The following NBPF12 variants were observed in gnomAD, a reference collection of about 807,000 sequenced individuals.
NBPF12 encodes the protein NBPF member 12, also known as NBPF family member NBPF12.
NBPF12 carries 115 observed loss-of-function variants against 146.4 expected under a neutral mutation model. That is an observed-to-expected ratio of 0.79 (90% CI 0.68 to 0.92). The LOEUF (loss-of-function observed/expected upper bound fraction) is 0.92. Among genes scored for constraint, NBPF12 ranks in the 40% least tolerant of loss-of-function variants. NBPF12 has a pLI of 0.00. For missense variants in NBPF12, 1,205 were observed against 1,326.8 expected (o/e 0.91, Z 1.43); for synonymous variants, 385 against 508.9 (o/e 0.76, Z 3.28).
At chr1:146,976,649 C>G (rs1440501368) in intron 16 of NBPF12, among the ~76,000 whole-genome samples, 5 of 151,358 alleles carry the variant, frequency 3.3e-5, no homozygotes, top group African/African-American at 1.2e-4. Context: ...AGACAGCTGC[C>G]AAAGTCCAGA....
At chr1:146,965,659 G>C (rs1553885530) in intron 8 of NBPF12, among the ~76,000 whole-genome samples, 2 of 149,584 alleles carry the variant, frequency 1.3e-5, no homozygotes, top group Non-Finnish European at 3.0e-5. Context: ...GGGCGCGGTG[G>C]TGGGCACCTG....
chr1:146,942,948 G>C (rs1249592091), intron 1 of NBPF12, among the ~76,000 whole-genome samples: 1 of 141,026 alleles, frequency 7.1e-6, no homozygotes, highest in African/African-American at 2.7e-5. Flanking sequence ...TTCCCCCCAG[G>C]CTGGAGTGCA....
intron 4 of NBPF12, among the ~76,000 whole-genome samples, chr1:146,960,618 CCT>C (rs1186536893): frequency 6.6e-6 from 1 of 151,932 alleles, no homozygotes; most frequent in Non-Finnish European, 1.5e-5. Context: ...TTTCAAGAAT[CCT>C]CTCTGTACCA....
chr1:146,953,436 G>T (rs1341685308), intron 2 of NBPF12, among the ~76,000 whole-genome samples: 1 of 133,218 alleles, frequency 7.5e-6, no homozygotes, highest in African/African-American at 2.9e-5. Flanking sequence ...CTTCAATGCT[G>T]CCACAAGTGT....
chr1:146,965,093 A>G, exon 8 of NBPF12: 3 of 1,590,088 alleles, frequency 1.9e-6, no homozygotes, highest in Admixed American at 3.3e-5. Flanking sequence ...GATGCTCTAA[A>G]CATTCTCCCA....
At chr1:146,949,115 G>C (rs1420400191), upstream of NBPF12, among the ~76,000 whole-genome samples, 1 of 152,180 alleles carries the variant, frequency 6.6e-6, no homozygotes. Flanking sequence ...TAAATACTAA[G>C]GGAACTCAGA....
chr1:146,941,685 C>T (rs1282061360), intron 1 of NBPF12, among the ~76,000 whole-genome samples: 1 of 137,740 alleles, frequency 7.3e-6, no homozygotes, highest in African/African-American at 2.7e-5. Flanking sequence ...ACCCAGGAGG[C>T]GGAGGTTGCA....
intron 8 of NBPF12, 66 bp downstream of exon 11, chr1:146,965,170 G>T (rs1227024890): frequency 1.1e-6 from 1 of 910,934 alleles, no homozygotes; most frequent in Non-Finnish European, 1.8e-6. Context: ...TCTGAGGACA[G>T]GCTGTATATA....
chr1:146,994,812 A>T, exon 34 of NBPF12: 1 of 791,862 alleles, frequency 1.3e-6, no homozygotes, highest in Non-Finnish European at 1.9e-6. Context: ...GGGAGTGATC[A>T]GCCGGACATT....
At chr1:146,963,066 G>C (rs1212786026) in intron 5 of NBPF12, 29 bp from the exon 9 acceptor site, 560 of 1,607,706 alleles carry the variant, frequency 3.5e-4, no homozygotes, top group African/African-American at 8.5e-4. Flanking sequence ...GCTTTTCACT[G>C]TTAAATTTTC....
At chr1:146,960,578 A>T (rs1219641259) in intron 4 of NBPF12, among the ~76,000 whole-genome samples, 1 of 152,002 alleles carries the variant, frequency 6.6e-6, no homozygotes, top group Non-Finnish European at 1.5e-5. Flanking sequence ...GCACAGAATG[A>T]CCTGTTTTCT....
At chr1:146,972,818 G>A in exon 14 of NBPF12, 1 of 1,373,190 alleles carries the variant, frequency 7.3e-7, no homozygotes, top group Non-Finnish European at 1.0e-6. Context: ...TGTCCAGCGA[G>A]AAGGCAGAGA....
At chr1:146,967,365 G>A (rs1656273875) in intron 9 of NBPF12, among the ~76,000 whole-genome samples, 1 of 151,032 alleles carries the variant, frequency 6.6e-6, no homozygotes, top group South Asian at 2.1e-4. Flanking sequence ...GATGGGCGTG[G>A]TGGCAGGTGA....
intron 19 of NBPF12, among the ~76,000 whole-genome samples, chr1:146,981,606 G>T (rs1216337179): frequency 4.0e-5 from 6 of 151,756 alleles, no homozygotes; most frequent in Non-Finnish European, 5.9e-5. Context: ...GGCCTTCCTT[G>T]TTAGGTTGGG....
upstream of NBPF12, among the ~76,000 whole-genome samples, chr1:146,948,943 G>A (rs1214352559): frequency 6.6e-6 from 1 of 151,496 alleles, no homozygotes; most frequent in African/African-American, 2.4e-5. Flanking sequence ...TTAAGGCATT[G>A]AGATGTTTAT....
chr1:146,956,078 C>T (rs1655573944), intron 2 of NBPF12, among the ~76,000 whole-genome samples: 1 of 151,724 alleles, frequency 6.6e-6, no homozygotes, highest in South Asian at 2.1e-4. Context: ...TGGCCTGCTA[C>T]GTATGGATGC....
intron 14 of NBPF12, among the ~76,000 whole-genome samples, chr1:146,974,125 A>G (rs1489053856): frequency 2.0e-5 from 3 of 150,260 alleles, no homozygotes; most frequent in African/African-American, 7.5e-5. Flanking sequence ...AACACTATCT[A>G]TTAGTTCTTC....
rs1278413998 is a variant in NBPF12, at chr1:146,963,742, G to T, written c.493+433G>T. Among the ~76,000 whole-genome samples, 878 of 149,632 alleles carry T rather than the reference G, an allele frequency of 5.9e-3. 20 individuals carry two copies. The highest frequency in any genetic ancestry group is 0.021 in the African/African-American group (832 of 40,098). On this transcript the variant is annotated intron_variant, in intron 6 of 33. Transcript: ENST00000617844. ...TGCAAAGGCAGACAAATTGTTTCTT[G>T]CAAGGGTCTGAAGCATCCAAATATG...
chr1:146,980,271 T>G (rs1266407243), intron 19 of NBPF12, among the ~76,000 whole-genome samples: 3 of 152,076 alleles, frequency 2.0e-5, no homozygotes, highest in Non-Finnish European at 4.4e-5. Flanking sequence ...TTTATCCAAT[T>G]TGCCATTCTG....
Sources: gnomAD v4.1 joint callset for allele counts (sites outside exome capture counted in the v4.1 genomes callset) on GRCh38, gnomAD v4.1.1 for gene constraint, MANE v1.5 for transcripts, NCBI Gene and HGNC (gene_info 2026-07-23, HGNC 2026-07-21) for gene names.